Variants in COL6A6 observed in about 807,000 individuals in gnomAD.
COL6A6 encodes the protein collagen type VI alpha 6 chain.
A neutral mutation model predicts 208.6 loss-of-function variants in COL6A6; 183 were observed. The ratio of observed to expected loss-of-function variants is 0.88; its 90% CI spans 0.78 to 0.99. The LOEUF is 0.99. COL6A6 is among the 50% of genes least tolerant of loss of function. COL6A6 has a pLI of 0.00. For synonymous variants in COL6A6, 973 were observed against 1,011.8 expected, an observed-to-expected ratio of 0.96 and a Z score of 0.73; for missense variants, 2,816 against 2,815.2, an observed-to-expected ratio of 1.00 and a Z score of -0.01.
intron 8 of COL6A6, among the ~76,000 whole-genome samples, chr3:130,577,223 G>C (rs1382653294): frequency 6.6e-6 from 1 of 152,092 alleles, no homozygotes; most frequent in Non-Finnish European, 1.5e-5. Flanking sequence ...GGAAACTGGG[G>C]TTCAAGGGAA....
chr3:130,635,767 C>G lies in COL6A6; in HGVS notation c.5091+6C>G. 6.2e-7 allele frequency: 1 copy of G among 1,607,074 alleles called. No homozygotes were observed. Among genetic ancestry groups the G allele is most frequent in the South Asian group, 1.1e-5 (1 of 90,656 alleles). Reference sequence around the variant, plus strand: ...AGGGAGCTAGAGGCAAAATGGTAAGCTTCTTAGATTCCAATTGCTGACAAC... The same window carrying G: ...AGGGAGCTAGAGGCAAAATGGTAAGGTTCTTAGATTCCAATTGCTGACAAC... On this transcript the variant is annotated splice_donor_region_variant and intron_variant, in intron 28 of 36. Transcript: ENST00000358511.
rs2065862257 is a variant in COL6A6, at chr3:130,658,676, A to G, written c.5734A>G (p.Ile1912Val). Residue 1912 changes from isoleucine to valine, a missense_variant and splice_region_variant, in exon 34 of 37, where the codon ATT becomes GTT. Physicochemically the swap from Ile to Val is conservative, Grantham distance 29 (BLOSUM62 3). Coordinates refer to ENST00000358511, the MANE Select transcript of COL6A6 (RefSeq NM_001102608.3). ...NVPSVRRAFA[I>V]DDTGTFQVIV... ...TTTCTGCTGCTTCTGCTTCTTTTAG[A>G]TTGACGACACTGGCACATTTCAAGT... 1 of 1,610,118 alleles carries G rather than the reference A, an allele frequency of 6.2e-7. No individual in the cohort carries two copies. The highest frequency in any genetic ancestry group is 2.2e-5 in the East Asian group (1 of 44,850).
At position 130,643,024 on chromosome 3, in the gene COL6A6, G is replaced by A. The variant is rs373916516; in HGVS notation, c.5227+1G>A. 2.5e-5 allele frequency: 40 copies of A among 1,612,912 alleles called. No individual in the cohort carries two copies. Among genetic ancestry groups the A allele is most frequent in the African/African-American group, 4.0e-5 (3 of 74,904 alleles). ...ATTCAGTATGTGCGAGACCGCAGTC[G>A]TAAGTACCCTGCTTAAAATGATCAC... On this transcript the variant is annotated splice_donor_variant, in intron 31 of 36. Coordinates refer to ENST00000358511, the MANE Select transcript of COL6A6 (RefSeq NM_001102608.3). LOFTEE classifies it high-confidence loss of function.
intron 1 of COL6A6, among the ~76,000 whole-genome samples, chr3:130,535,462 T>G (rs556296497): frequency 3.9e-5 from 6 of 152,316 alleles, no homozygotes; most frequent in African/African-American, 1.4e-4. Flanking sequence ...TGCAGTGTCT[T>G]TTGAATTATT....
intron 1 of COL6A6, among the ~76,000 whole-genome samples, chr3:130,526,858 C>G (rs997413099): frequency 2.6e-5 from 4 of 152,116 alleles, no homozygotes; most frequent in African/African-American, 9.7e-5. Context: ...TACCCACTGC[C>G]TGACTGCCTA....
intron 23 of COL6A6, among the ~76,000 whole-genome samples, chr3:130,616,552 G>GAAAA (rs35307177): frequency 8.3e-6 from 1 of 120,768 alleles, no homozygotes; most frequent in Non-Finnish European, 1.7e-5. Context: ...ATCAATGCCT[G>GAAAA]AAAAAAAAAA....
At chr3:130,527,857 T>A in intron 1 of COL6A6, among the ~76,000 whole-genome samples, 1 of 138,996 alleles carries the variant, frequency 7.2e-6, no homozygotes, top group Admixed American at 6.8e-5. Flanking sequence ...TTATCTGTTG[T>A]TTCCCATCAA....
chr3:130,642,811 A>G (rs1330913360), intron 29 of COL6A6, 21 bp from the exon 30 acceptor site: 2 of 1,612,232 alleles, frequency 1.2e-6, no homozygotes, highest in Non-Finnish European at 1.7e-6. Context: ...CATTAAAACA[A>G]TGTTTTGTTT....
rs112646430 is a variant in COL6A6 at position 130,578,838 on chromosome 3, G to A, written c.3548-2723G>A. ...CACGGGCACCAGAGCCAAGGTGGCC[G>A]TTCTGCAGTGAGCATGGTGGAGGCT... On this transcript the variant is annotated intron_variant, in intron 8 of 36. Coordinates refer to ENST00000358511, the MANE Select transcript of COL6A6 (RefSeq NM_001102608.3). Among the ~76,000 whole-genome samples the A allele has an allele frequency of 2.1e-3, 321 of 152,336 alleles. 1 individual carries two copies. The highest frequency in any genetic ancestry group is 6.9e-3 in the African/African-American group (285 of 41,576).
At chr3:130,620,846 A>G (rs2108267184) in intron 23 of COL6A6, among the ~76,000 whole-genome samples, 1 of 152,352 alleles carries the variant, frequency 6.6e-6, no homozygotes, top group East Asian at 1.9e-4. Context: ...AACAACCATG[A>G]CGAAAAAATT....
rs780650444 is a variant in COL6A6 at position 130,574,095 on chromosome 3, A to G, written c.3117A>G (p.Ile1039Met). The G allele has an allele frequency of 1.2e-6, 2 of 1,614,024 alleles. No individual in the cohort carries two copies. The highest frequency in any genetic ancestry group is 1.7e-6 in the Non-Finnish European group (2 of 1,179,890). ...DFDVSLNRVR[I>M]GAAQFSDTYH... ...ATGTCAGCCTCAACAGAGTGCGAAT[A>G]GGAGCGGCCCAGTTTAGCGATACCT... Residue 1039 changes from isoleucine (I) to methionine (M), a missense_variant, in exon 8 of 37, where the codon ATA becomes ATG. By Grantham distance (10) the Ile-to-Met change is conservative. Transcript: ENST00000358511.
intron 20 of COL6A6, among the ~76,000 whole-genome samples, chr3:130,601,611 A>G (rs75732586): frequency 1.3e-5 from 2 of 152,330 alleles, no homozygotes; most frequent in African/African-American, 2.4e-5. Context: ...GGCTAATGCA[A>G]TATTGCTATG....
At chr3:130,645,995 T>C (rs1474611873) in intron 32 of COL6A6, among the ~76,000 whole-genome samples, 4 of 152,196 alleles carry the variant, frequency 2.6e-5, no homozygotes, top group Non-Finnish European at 5.9e-5. Context: ...AGTTGAATAA[T>C]GAATCTGCTT....
Position 130,592,631 on chromosome 3 carries a change from T to A in COL6A6, c.4344+19T>A, listed in dbSNP as rs116212499. ...TCCTAAGGTAAGGATTGCATAAGAG[T>A]GTGGAGTTTTCTCAATATTAATTAC... On this transcript the variant is annotated intron_variant, in intron 14 of 36. Transcript: ENST00000358511. The A allele has an allele frequency of 1.0e-3, 1,661 of 1,612,588 alleles. 20 individuals carry two copies. The African/African-American group carries it at 0.02, about 19-fold the overall frequency.
chr3:130,652,347 A>C (rs1013393930), intron 33 of COL6A6, among the ~76,000 whole-genome samples: 1 of 152,242 alleles, frequency 6.6e-6, no homozygotes, highest in African/African-American at 2.4e-5. Context: ...TCTCATTCAG[A>C]TATCAGCAAG....
intron 1 of COL6A6, among the ~76,000 whole-genome samples, chr3:130,523,823 A>C (rs753384212): frequency 1.3e-5 from 2 of 152,246 alleles, no homozygotes; most frequent in Non-Finnish European, 2.9e-5. Flanking sequence ...TGGAAATGCA[A>C]GTGATGTAAC....
intron 28 of COL6A6, among the ~76,000 whole-genome samples, chr3:130,641,433 G>C (rs1474510572): frequency 6.6e-6 from 1 of 152,084 alleles, no homozygotes; most frequent in East Asian, 1.9e-4. Context: ...AATAAGAAAA[G>C]ACATCAAAAT....
intron 33 of COL6A6, among the ~76,000 whole-genome samples, chr3:130,651,226 G>A (rs1326097011): frequency 1.3e-5 from 2 of 152,056 alleles, no homozygotes; most frequent in Non-Finnish European, 2.9e-5. Flanking sequence ...CAGAGATTGA[G>A]ACTATCCTGG....
At chr3:130,673,351 C>T (rs983902110) in intron 36 of COL6A6, among the ~76,000 whole-genome samples, 8 of 151,608 alleles carry the variant, frequency 5.3e-5, no homozygotes, top group Non-Finnish European at 8.8e-5. Context: ...ATAGCAATAT[C>T]ATGCTATATA....
Sources: gnomAD v4.1 joint callset for allele counts (sites outside exome capture counted in the v4.1 genomes callset) on GRCh38, gnomAD v4.1.1 for gene constraint, MANE v1.5 for transcripts, NCBI Gene and HGNC (gene_info 2026-07-23, HGNC 2026-07-21) for gene names.